The following IQCH variants were observed in gnomAD, a reference collection of about 807,000 sequenced individuals.
IQCH encodes the protein IQ domain-containing protein H.
A neutral mutation model predicts 117.0 loss-of-function variants in IQCH; 98 were observed. The ratio of observed to expected loss-of-function variants is 0.84; its 90% CI spans 0.71 to 0.99. The LOEUF (loss-of-function observed/expected upper bound fraction) is 0.99. IQCH is among the 50% of genes least tolerant of loss of function. The pLI is 0.00. For missense variants in IQCH, 1,102 were observed against 1,243.8 expected (o/e 0.89, Z 1.72); for synonymous variants, 412 against 448.2 (o/e 0.92, Z 1.02).
chr15:67,344,300 A>T (rs1024006795), intron 6 of IQCH, 109 bp downstream of exon 6: 2 of 892,456 alleles, frequency 2.2e-6, no homozygotes, highest in African/African-American at 3.4e-5. Flanking sequence ...GGACAAGATG[A>T]AAGTTGTAAT....
intron 16 of IQCH, among the ~76,000 whole-genome samples, chr15:67,452,940 C>G (rs1337070100): frequency 6.6e-6 from 1 of 152,086 alleles, no homozygotes; most frequent in Non-Finnish European, 1.5e-5. Context: ...ATTCTTTTTT[C>G]TCTAAACTCC....
intron 2 of IQCH, 151 bp downstream of exon 2, chr15:67,261,545 A>G: frequency 1.7e-6 from 1 of 594,854 alleles, no homozygotes. Flanking sequence ...ATTTGTTCTC[A>G]TAATTATTAA....
At position 67,381,164 on chromosome 15, in the gene IQCH, C is replaced by T. The variant is rs1431821195; in HGVS notation, c.1373-3772C>T. 6.6e-6 allele frequency among the ~76,000 whole-genome samples: 1 copy of T among 152,154 alleles called. No homozygotes were observed. The highest frequency in any genetic ancestry group is 1.9e-4 in the East Asian group (1 of 5,198). On this transcript the variant is annotated intron_variant, in intron 10 of 20. Coordinates refer to ENST00000335894, the MANE Select transcript of IQCH (RefSeq NM_001031715.3). This position sits in a 1 kb window ranked among gnomAD's most constrained non-coding sequence, Gnocchi z 5.1. ...GGTTACTGTGAAAGAAAAGCCAATC[C>T]TAGCAGAGCTAGTTTGCTGGATGCA...
intron 8 of IQCH, among the ~76,000 whole-genome samples, chr15:67,363,028 AG>A (rs1263034093): frequency 6.6e-6 from 1 of 152,224 alleles, no homozygotes; most frequent in Non-Finnish European, 1.5e-5. Context: ...AGTTCTTAAG[AG>A]AATCAGAGCT....
chr15:67,453,887 C>T lies in IQCH; in HGVS notation c.2506-11240C>T, dbSNP rs569876602. Among the ~76,000 whole-genome samples, 138 of 152,354 alleles carry T rather than the reference C, an allele frequency of 9.1e-4. No homozygotes were observed. The highest frequency in any genetic ancestry group is 3.1e-3 in the African/African-American group (128 of 41,578). The stretch of plus-strand genomic sequence containing the variant: ...TGGGCTCCACCCAGTTCAAGCTTCC[C>T]GGCCGCTTTGTTTACGTAATCAAAC... On this transcript the variant is annotated intron_variant, in intron 16 of 20. Coordinates refer to ENST00000335894, the MANE Select transcript of IQCH (RefSeq NM_001031715.3). This position sits in a 1 kb window ranked among gnomAD's most constrained non-coding sequence, Gnocchi z 5.8.
chr15:67,361,023 C>G (rs934682024), intron 8 of IQCH, among the ~76,000 whole-genome samples: 1 of 152,236 alleles, frequency 6.6e-6, no homozygotes, highest in African/African-American at 2.4e-5. Flanking sequence ...TGAGCATGTC[C>G]TGCATGCATG....
Position 67,416,154 on chromosome 15 carries a change from G to A in IQCH, c.2098-777G>A, listed in dbSNP as rs763451585. On this transcript the variant is annotated intron_variant, in intron 14 of 20. Coordinates refer to ENST00000335894, the MANE Select transcript of IQCH (RefSeq NM_001031715.3). This position sits in a 1 kb window ranked among gnomAD's most constrained non-coding sequence, Gnocchi z 5.1. Reference sequence around the variant, plus strand: ...TCCCAACACTTTGGGAGGCCAAGGCGGGTGGATCACCTGAGGTCAGGAGTT... The same window carrying A: ...TCCCAACACTTTGGGAGGCCAAGGCAGGTGGATCACCTGAGGTCAGGAGTT... Among the ~76,000 whole-genome samples, 2 of 152,126 alleles carry A rather than the reference G, an allele frequency of 1.3e-5. No individual in the cohort carries two copies. The highest frequency in any genetic ancestry group is 2.4e-5 in the African/African-American group (1 of 41,438).
In IQCH at chr15:67,372,626, T is replaced by A; in HGVS notation, c.1269T>A (p.Arg423=). 1 of 1,610,656 alleles carries A rather than the reference T, an allele frequency of 6.2e-7. No homozygotes were observed. Among genetic ancestry groups the A allele is most frequent in the Non-Finnish European group, 8.5e-7 (1 of 1,178,304 alleles). The change falls in exon 9 of 21, where the codon CGT becomes CGA. Residue 423 remains arginine, a synonymous_variant. Coordinates refer to ENST00000335894, the MANE Select transcript of IQCH (RefSeq NM_001031715.3). ...TRLKKILKES[R]QRHLENFRIR... ...TAAAGAAGATACTAAAGGAATCACG[T>A]CAGAGACACCTGGAGAATTTTCGCA... is the stretch of plus-strand genomic sequence containing the variant.
At position 67,364,037 on chromosome 15, in the gene IQCH, T is replaced by C. The variant is rs1443382260; in HGVS notation, c.753+4152T>C. Among the ~76,000 whole-genome samples, 1 of 152,230 alleles carries C rather than the reference T, an allele frequency of 6.6e-6. No homozygotes were observed. The highest frequency in any genetic ancestry group is 1.5e-5 in the Non-Finnish European group (1 of 68,036). ...AACATAACACATGCATGTGTCTTTA[T>C]GGTAGAATGATTTATAGTCCTTTGG... On this transcript the variant is annotated intron_variant, in intron 8 of 20. Transcript: ENST00000335894. This position sits in a 1 kb window ranked among gnomAD's most constrained non-coding sequence, Gnocchi z 4.1.
At position 67,400,184 on chromosome 15, in the gene IQCH, CTG is replaced by C. The variant is rs764510403; in HGVS notation, c.1977_1978del (p.Glu660ValfsTer10). ...CAGCGTTGGCTCTTTAAAATGGACTCTGAGTTCCGAGGAAATGGGACTGCATT... is the reference window on the plus strand; with the variant it reads ...CAGCGTTGGCTCTTTAAAATGGACTCAGTTCCGAGGAAATGGGACTGCATT... On this transcript the variant is annotated frameshift_variant, in exon 14 of 21. Transcript: ENST00000335894. LOFTEE classifies it high-confidence loss of function. The C allele has an allele frequency of 6.2e-7, 1 of 1,613,824 alleles. No individual in the cohort carries two copies. The highest frequency in any genetic ancestry group is 8.5e-7 in the Non-Finnish European group (1 of 1,179,826).
chr15:67,370,962 T>TGGG lies in IQCH; in HGVS notation c.754-1143_754-1141dup, dbSNP rs59962165. 6.8e-6 allele frequency among the ~76,000 whole-genome samples: 1 copy of TGGG among 147,054 alleles called. No homozygotes were observed. The highest frequency in any genetic ancestry group is 2.5e-5 in the African/African-American group (1 of 39,680). On this transcript the variant is annotated intron_variant, in intron 8 of 20. Coordinates refer to ENST00000335894, the MANE Select transcript of IQCH (RefSeq NM_001031715.3). This position sits in a 1 kb window ranked among gnomAD's most constrained non-coding sequence, Gnocchi z 5.6. ...GGCGTAATCATTATGGATAAATTGC[T>TGGG]GGGGGGGGTTTTCTTTGAGTTTTTT...
chr15:67,375,197 T>A (rs1195664316), intron 10 of IQCH, among the ~76,000 whole-genome samples: 1 of 152,146 alleles, frequency 6.6e-6, no homozygotes, highest in African/African-American at 2.4e-5. Flanking sequence ...TTCCCAGCAC[T>A]TTGGGAGGAT....
At chr15:67,306,149 C>G (rs186390859) in intron 4 of IQCH, among the ~76,000 whole-genome samples, 185 of 152,040 alleles carry the variant, frequency 1.2e-3, no homozygotes, top group African/African-American at 4.3e-3. Flanking sequence ...TATGGTAATA[C>G]TAACTGAAAA....
intron 3 of IQCH, among the ~76,000 whole-genome samples, chr15:67,276,113 A>G (rs1279543900): frequency 6.6e-6 from 1 of 152,210 alleles, no homozygotes; most frequent in Non-Finnish European, 1.5e-5. Flanking sequence ...AATTTTACTG[A>G]CATGGAAAAT....
chr15:67,420,811 A>G (rs753382432), intron 15 of IQCH, among the ~76,000 whole-genome samples: 6 of 152,252 alleles, frequency 3.9e-5, no homozygotes, highest in African/African-American at 1.4e-4. Context: ...TTTGGCTGAC[A>G]TGATGGTCAA....
chr15:67,416,938 C>T lies in IQCH; in HGVS notation c.2105C>T (p.Ala702Val). ...DWRKKWAQEP[A>V]LVKISEELAG... ...TTTAATTTGTTTCTGCAGGAGCCAG[C>T]TTTGGTGAAGATCTCTGAGGAGCTG... Residue 702 changes from alanine to valine, a missense_variant, in exon 15 of 21, where the codon GCT (alanine) becomes GTT (valine). Around this residue, in one of 2 missense-constraint regions of IQCH, gnomAD observed 650 missense variants for 794.3 expected, o/e 0.82. Transcript: ENST00000335894. The surrounding 1 kb of genome is among the most constrained non-coding windows in gnomAD (Gnocchi z 5.1). The T allele has an allele frequency of 6.3e-7, 1 of 1,594,636 alleles. No individual in the cohort carries two copies. Among genetic ancestry groups the T allele is most frequent in the Non-Finnish European group, 8.5e-7 (1 of 1,171,468 alleles).
chr15:67,377,527 G>A (rs1970780194), intron 10 of IQCH, among the ~76,000 whole-genome samples: 1 of 152,138 alleles, frequency 6.6e-6, no homozygotes, highest in Admixed American at 6.5e-5. Flanking sequence ...GACTAATTTT[G>A]CTCCCAGTTT....
At chr15:67,308,267 A>G (rs988028139) in intron 4 of IQCH, among the ~76,000 whole-genome samples, 3 of 152,168 alleles carry the variant, frequency 2.0e-5, no homozygotes, top group African/African-American at 7.2e-5. Flanking sequence ...TTCTGCATCT[A>G]TTCTTTCTCA....
intron 4 of IQCH, among the ~76,000 whole-genome samples, chr15:67,325,739 CTTAATAT>C (rs1169553008): frequency 6.6e-6 from 1 of 151,818 alleles, no homozygotes; most frequent in Non-Finnish European, 1.5e-5. Context: ...CAAATAGCAA[CTTAATAT>C]TTAATATGTT....
Sources: allele counts gnomAD v4.1 joint callset (sites outside exome capture counted in the v4.1 genomes callset), GRCh38; gene constraint gnomAD v4.1.1; regional missense constraint gnomAD v4.1.1; non-coding constraint Gnocchi (gnomAD v3.1); transcripts MANE v1.5; gene names NCBI Gene and HGNC (gene_info 2026-07-23, HGNC 2026-07-21).